GNAL: variants seen among roughly 807,000 people sequenced by gnomAD.
GNAL encodes G protein subunit alpha L, also known as guanine nucleotide-binding protein G(olf) subunit alpha.
GNAL carries 18 observed loss-of-function variants against 55.1 expected under a neutral mutation model. That is an observed-to-expected ratio of 0.33 (90% CI 0.23 to 0.48). The LOEUF (loss-of-function observed/expected upper bound fraction) is 0.48. GNAL is among the 20% of genes least tolerant of loss of function. The pLI is 0.99. For synonymous variants in GNAL, 253 were observed against 237.0 expected (o/e 1.07, Z -0.62); for missense variants, 412 against 614.1 (o/e 0.67, Z 3.48).
chr18:11,740,460 A>G (rs150500580), intron 1 of GNAL, among the ~76,000 whole-genome samples: 3 of 152,304 alleles, frequency 2.0e-5, no homozygotes, highest in Admixed American at 6.5e-5. Context: ...TAGGAAATAC[A>G]TGCATGTAGA....
chr18:11,879,269 C>G (rs967822318), intron 11 of GNAL, among the ~76,000 whole-genome samples: 1 of 151,860 alleles, frequency 6.6e-6, no homozygotes, highest in Middle Eastern at 3.4e-3. Flanking sequence ...TTCTGTGGTC[C>G]AAGCAGCTCT....
chr18:11,880,897 AAAGC>A lies in GNAL; in HGVS notation c.1231-91_1231-88del, dbSNP rs2036670058. On this transcript the variant is annotated intron_variant, in intron 11 of 11. Transcript: ENST00000334049. ...GCAAAACAAGCAGGCCACTGTCACC[AAAGC>A]CTCCAGCACCTGCTCAGCGTGGCCT... 2.9e-6 allele frequency: 4 copies of A among 1,360,756 alleles called. No individual in the cohort carries two copies. In the Admixed American group the frequency reaches 8.0e-5, roughly 27 times the overall value. 84.3% of individuals were successfully genotyped at this position (1,360,756 alleles called of 1,614,324 possible).
At chr18:11,811,226 C>T (rs919235038) in intron 4 of GNAL, among the ~76,000 whole-genome samples, 4 of 152,182 alleles carry the variant, frequency 2.6e-5, no homozygotes, top group African/African-American at 9.6e-5. Flanking sequence ...GCCCTCCCCA[C>T]GGCTGATCGC....
At chr18:11,859,418 G>A (rs922020705) in intron 5 of GNAL, among the ~76,000 whole-genome samples, 5 of 152,122 alleles carry the variant, frequency 3.3e-5, no homozygotes, top group Non-Finnish European at 7.4e-5. Context: ...CTTCCACCAC[G>A]CTCTTCACCC....
At chr18:11,855,416 T>G (rs2035983262) in intron 5 of GNAL, among the ~76,000 whole-genome samples, 1 of 152,272 alleles carries the variant, frequency 6.6e-6, no homozygotes, top group African/African-American at 2.4e-5. Flanking sequence ...TCCTTTCATT[T>G]TTCCGCCTTC....
At chr18:11,802,271 T>G (rs2034541123) in intron 4 of GNAL, among the ~76,000 whole-genome samples, 1 of 152,146 alleles carries the variant, frequency 6.6e-6, no homozygotes, top group African/African-American at 2.4e-5. Context: ...AACCATTCTG[T>G]TTACGGAGTT....
intron 4 of GNAL, among the ~76,000 whole-genome samples, chr18:11,819,045 G>A (rs2035028274): frequency 7.5e-6 from 1 of 134,034 alleles, no homozygotes; most frequent in African/African-American, 3.1e-5. Flanking sequence ...CAGACAGACG[G>A]CACCACACTC....
chr18:11,735,761 A>C, intron 1 of GNAL, among the ~76,000 whole-genome samples: 1 of 151,352 alleles, frequency 6.6e-6, no homozygotes, highest in Non-Finnish European at 1.5e-5. Context: ...TCTCAAAAAA[A>C]AAAAAAGAAA....
At chr18:11,832,765 C>A (rs1278927140) in intron 5 of GNAL, among the ~76,000 whole-genome samples, 1 of 151,798 alleles carries the variant, frequency 6.6e-6, no homozygotes, top group Non-Finnish European at 1.5e-5. Context: ...GAGGCTGAGG[C>A]AGGAGAATTG....
At chr18:11,770,688 TTCCTATC>T (rs1269558865) in intron 4 of GNAL, among the ~76,000 whole-genome samples, 10 of 152,178 alleles carry the variant, frequency 6.6e-5, no homozygotes, top group Admixed American at 2.0e-4. Context: ...TATTGGGAGG[TTCCTATC>T]TCCATTTTCT....
intron 10 of GNAL, among the ~76,000 whole-genome samples, chr18:11,876,015 G>A (rs777167184): frequency 6.6e-6 from 1 of 152,144 alleles, no homozygotes; most frequent in Non-Finnish European, 1.5e-5. Context: ...CGGAGCCCTC[G>A]TGACCTCATC....
At chr18:11,861,151 G>C (rs1302060860) in intron 5 of GNAL, among the ~76,000 whole-genome samples, 2 of 152,172 alleles carry the variant, frequency 1.3e-5, no homozygotes, top group Admixed American at 1.3e-4. Flanking sequence ...GGCAGGCAGG[G>C]AGCCAGCGCA....
At chr18:11,802,801 T>A (rs954050592) in intron 4 of GNAL, among the ~76,000 whole-genome samples, 4 of 151,478 alleles carry the variant, frequency 2.6e-5, no homozygotes, top group African/African-American at 9.7e-5. Flanking sequence ...TGGCAGGGAG[T>A]TGCCATTTTC....
At chr18:11,723,011 CAAAAAAAAA>C (rs61457198) in intron 1 of GNAL, among the ~76,000 whole-genome samples, 1 of 80,000 alleles carries the variant, frequency 1.3e-5, no homozygotes, top group African/African-American at 5.6e-5. Flanking sequence ...AACTTCATCT[CAAAAAAAAA>C]AAAAAAAAAA....
In GNAL at chr18:11,689,534, C is replaced by G. The variant is rs2031165384; in HGVS notation, c.-30C>G. The stretch of plus-strand genomic sequence containing the variant: ...CTCGGCGCCCAGCCTGCCCTAGTCC[C>G]GCGCGCCGCCCCCGCTGTGCCGCGC... On this transcript the variant is annotated 5_prime_UTR_variant, in exon 1 of 12. Coordinates refer to ENST00000334049, the MANE Select transcript of GNAL (RefSeq NM_182978.4). 1.8e-6 allele frequency: 2 copies of G among 1,132,142 alleles called. No individual in the cohort carries two copies. Among genetic ancestry groups the G allele is most frequent in the Non-Finnish European group, 2.2e-6 (2 of 893,744 alleles). The allele number at this position is 1,132,142 out of a possible 1,614,324, so 70.1% of individuals were successfully genotyped here. A position where few individuals can be genotyped will look rare whatever the true frequency, so the allele number is the denominator to read the frequency against.
chr18:11,867,890 T>G (rs1377691231), intron 8 of GNAL, among the ~76,000 whole-genome samples: 1 of 151,846 alleles, frequency 6.6e-6, no homozygotes, highest in Non-Finnish European at 1.5e-5. Flanking sequence ...TTTGGGAGGC[T>G]GGGGTGGGTG....
chr18:11,693,036 G>A (rs957421004), intron 1 of GNAL, among the ~76,000 whole-genome samples: 3 of 148,584 alleles, frequency 2.0e-5, no homozygotes, highest in African/African-American at 7.8e-5. Context: ...TTTTTTTAAA[G>A]GGGGGAGAGT....
chr18:11,729,810 G>A (rs73944246), intron 1 of GNAL, among the ~76,000 whole-genome samples: 3,070 of 152,220 alleles, frequency 0.02, 106 homozygotes, highest in African/African-American at 0.07. Context: ...AACCCAGGAA[G>A]CCTTGATTAA....
intron 4 of GNAL, among the ~76,000 whole-genome samples, chr18:11,756,112 T>C (rs1351139539): frequency 1.3e-5 from 2 of 152,236 alleles, no homozygotes; most frequent in African/African-American, 4.8e-5. Context: ...TTCTTTCTCC[T>C]GTTCATAACA....
Sources: allele counts gnomAD v4.1 joint callset (sites outside exome capture counted in the v4.1 genomes callset), GRCh38; gene constraint gnomAD v4.1.1; transcripts MANE v1.5; gene names NCBI Gene and HGNC (gene_info 2026-07-23, HGNC 2026-07-21).